KCNT2: variants seen among roughly 807,000 people sequenced by gnomAD.
KCNT2 encodes the protein potassium channel subfamily T member 2.
A neutral mutation model predicts 153.8 loss-of-function variants in KCNT2; 67 were observed. That is an observed-to-expected ratio of 0.44 (90% confidence interval 0.36 to 0.53). The LOEUF is 0.53. KCNT2 is among the 20% of genes least tolerant of loss of function. The pLI is 0.00. For missense variants in KCNT2, 975 were observed against 1,354.8 expected (o/e 0.72, Z 4.40); for synonymous variants, 500 against 458.8 (o/e 1.09, Z -1.15).
chr1:196,395,357 T>A (rs568816408), intron 13 of KCNT2, among the ~76,000 whole-genome samples: 2 of 151,698 alleles, frequency 1.3e-5, no homozygotes, highest in South Asian at 2.1e-4. Flanking sequence ...ATCTCTCTTA[T>A]AAACTGTTTG....
intron 21 of KCNT2, 66 bp downstream of exon 21, chr1:196,315,826 G>C: frequency 7.1e-7 from 1 of 1,401,856 alleles, no homozygotes; most frequent in Non-Finnish European, 9.7e-7. Flanking sequence ...CACAGAGTCA[G>C]TGTCAAATAT....
intron 12 of KCNT2, among the ~76,000 whole-genome samples, chr1:196,418,203 C>T (rs930119518): frequency 2.0e-5 from 3 of 151,896 alleles, no homozygotes; most frequent in African/African-American, 2.4e-5. Context: ...TGGCTGGGCA[C>T]GGTGGCTCAC....
intron 8 of KCNT2, among the ~76,000 whole-genome samples, chr1:196,437,397 T>C (rs1386688808): frequency 7.1e-6 from 1 of 141,804 alleles, no homozygotes; most frequent in Non-Finnish European, 1.5e-5. Context: ...TATACACAAA[T>C]TTTATATATA....
At chr1:196,274,430 A>C (rs1194019453) in intron 25 of KCNT2, among the ~76,000 whole-genome samples, 1 of 151,728 alleles carries the variant, frequency 6.6e-6, no homozygotes, top group Non-Finnish European at 1.5e-5. Flanking sequence ...CTATTTCAGG[A>C]TTCCTTACAC....
At chr1:196,527,060 T>A (rs115334970) in intron 1 of KCNT2, among the ~76,000 whole-genome samples, 75 of 152,246 alleles carry the variant, frequency 4.9e-4, no homozygotes, top group Non-Finnish European at 9.7e-4. Context: ...CTTATGAGAA[T>A]CTAACTAACG....
intron 1 of KCNT2, among the ~76,000 whole-genome samples, chr1:196,582,855 A>C (rs1662229611): frequency 6.6e-6 from 1 of 152,138 alleles, no homozygotes; most frequent in South Asian, 2.1e-4. Context: ...AAAATACAGA[A>C]GATAATACAG....
chr1:196,437,701 A>T (rs1360307873), intron 8 of KCNT2, among the ~76,000 whole-genome samples: 1 of 151,030 alleles, frequency 6.6e-6, no homozygotes, highest in African/African-American at 2.4e-5. Context: ...AATTTTAAAT[A>T]ATAATAAAAT....
chr1:196,576,562 TTAAC>T (rs1337933611), intron 1 of KCNT2, among the ~76,000 whole-genome samples: 2 of 152,084 alleles, frequency 1.3e-5, no homozygotes, highest in Non-Finnish European at 2.9e-5. Context: ...GTAAGTTCTC[TTAAC>T]TAAAGTATGA....
At chr1:196,269,451 T>C (rs966322010) in intron 25 of KCNT2, among the ~76,000 whole-genome samples, 1 of 152,116 alleles carries the variant, frequency 6.6e-6, no homozygotes, top group African/African-American at 2.4e-5. Context: ...TGTATTATAG[T>C]CCAGAAGTTT....
At chr1:196,263,307 TA>T (rs1286576829) in intron 25 of KCNT2, among the ~76,000 whole-genome samples, 2 of 152,044 alleles carry the variant, frequency 1.3e-5, no homozygotes, top group Non-Finnish European at 2.9e-5. Context: ...TATGCAGCCA[TA>T]AAAAAGGATG....
chr1:196,359,076 T>C (rs536756230), intron 14 of KCNT2, among the ~76,000 whole-genome samples: 91 of 152,004 alleles, frequency 6.0e-4, no homozygotes, highest in Admixed American at 1.1e-3. Context: ...AAAAGTTTTA[T>C]TTTTCCCGAA....
intron 11 of KCNT2, among the ~76,000 whole-genome samples, chr1:196,424,553 A>G (rs976262764): frequency 1.3e-5 from 2 of 151,992 alleles, no homozygotes; most frequent in African/African-American, 4.8e-5. Flanking sequence ...AAGAACTGTC[A>G]CATGTACAAT....
chr1:196,509,515 A>C (rs866939398), intron 1 of KCNT2, among the ~76,000 whole-genome samples: 2 of 152,222 alleles, frequency 1.3e-5, no homozygotes, highest in Non-Finnish European at 2.9e-5. Flanking sequence ...AGTTCAAAAA[A>C]ACTTTAAAAA....
intron 8 of KCNT2, among the ~76,000 whole-genome samples, chr1:196,436,970 T>C (rs562814490): frequency 1.2e-4 from 16 of 134,594 alleles, no homozygotes; most frequent in Non-Finnish European, 1.6e-4. Context: ...TTACATTTTC[T>C]AGTAATCAAA....
chr1:196,378,873 A>C (rs1669210983), intron 13 of KCNT2, among the ~76,000 whole-genome samples: 2 of 149,696 alleles, frequency 1.3e-5, no homozygotes, highest in South Asian at 4.2e-4. Flanking sequence ...CCTAAAGACT[A>C]GAACCATCGC....
intron 1 of KCNT2, among the ~76,000 whole-genome samples, chr1:196,598,402 G>A (rs1365798131): frequency 3.3e-5 from 5 of 152,090 alleles, no homozygotes; most frequent in African/African-American, 9.7e-5. Flanking sequence ...TTGTTTTGCT[G>A]ATTTTCCATG....
At chr1:196,346,954 G>A (rs765668891) in intron 14 of KCNT2, among the ~76,000 whole-genome samples, 1 of 151,980 alleles carries the variant, frequency 6.6e-6, no homozygotes, top group Non-Finnish European at 1.5e-5. Flanking sequence ...TTATTTTCCT[G>A]GTAATCTATG....
At chr1:196,327,767 G>C (rs767851389) in intron 18 of KCNT2, among the ~76,000 whole-genome samples, 1 of 148,686 alleles carries the variant, frequency 6.7e-6, no homozygotes, top group Non-Finnish European at 1.5e-5. Flanking sequence ...TCCAGTCTCA[G>C]GTGATTCTCC....
chr1:196,501,041 T>A (rs938813431), intron 1 of KCNT2, among the ~76,000 whole-genome samples: 2 of 151,784 alleles, frequency 1.3e-5, no homozygotes, highest in African/African-American at 2.4e-5. Context: ...CTATAAAAAG[T>A]CAAAAAACAA....
Sources: gnomAD v4.1 joint callset for allele counts (sites outside exome capture counted in the v4.1 genomes callset) on GRCh38, gnomAD v4.1.1 for gene constraint, MANE v1.5 for transcripts, NCBI Gene and HGNC (gene_info 2026-07-23, HGNC 2026-07-21) for gene names.